SOX6: variants seen among roughly 807,000 people sequenced by gnomAD.
SOX6 encodes SRY-box transcription factor 6.
Under a neutral mutation model 97.8 loss-of-function variants are expected in SOX6, and 11 were observed. That is an observed-to-expected ratio of 0.11 (90% CI 0.07 to 0.19). The LOEUF (loss-of-function observed/expected upper bound fraction) is 0.19, where lower values mean the gene tolerates loss of function less well. SOX6 is among the 10% of genes least tolerant of loss of function. The probability of loss-of-function intolerance (pLI) is 1.00; values close to 1 mark genes in which losing one functional copy is unlikely to be tolerated. For synonymous variants in SOX6, 360 were observed against 371.4 expected (o/e 0.97, Z 0.35); for missense variants, 810 against 1,039.5 (o/e 0.78, Z 3.04).
chr11:16,626,466 TG>T (rs751928635), intron 3 of SOX6, among the ~76,000 whole-genome samples: 1 of 152,248 alleles, frequency 6.6e-6, no homozygotes, highest in Non-Finnish European at 1.5e-5. Context: ...CACTAAGTCT[TG>T]AAGTCAGAAA....
chr11:16,391,147 AC>A (rs1433040144), intron 1 of SOX6, among the ~76,000 whole-genome samples: 2 of 152,186 alleles, frequency 1.3e-5, no homozygotes, highest in Non-Finnish European at 2.9e-5. Context: ...AACAATAAGA[AC>A]ACATGGACAT....
chr11:16,479,897 T>C (rs940081333), upstream of SOX6, among the ~76,000 whole-genome samples: 3 of 152,112 alleles, frequency 2.0e-5, no homozygotes, highest in Non-Finnish European at 4.4e-5. Flanking sequence ...TGATAAAAGA[T>C]ACATTTAATA....
intron 9 of SOX6, among the ~76,000 whole-genome samples, chr11:16,068,246 T>A (rs1300658171): frequency 3.3e-5 from 5 of 152,194 alleles, no homozygotes; most frequent in Non-Finnish European, 5.9e-5. Context: ...GATGACCACT[T>A]CTTTGCCTAC....
chr11:16,097,756 A>G (rs1590194452), intron 7 of SOX6, 68 bp from the exon 8 acceptor site: 1 of 1,392,398 alleles, frequency 7.2e-7, no homozygotes. Flanking sequence ...AAGTACAAAC[A>G]TGGTCCTTGG....
intron 6 of SOX6, among the ~76,000 whole-genome samples, chr11:16,148,529 T>TGGACAAAATGG (rs1564983408): frequency 6.6e-6 from 1 of 152,182 alleles, no homozygotes; most frequent in Non-Finnish European, 1.5e-5. Flanking sequence ...GAAACCGTGT[T>TGGACAAAATGG]GGACAAAATG....
At chr11:16,427,917 A>T (rs911837752) in intron 1 of SOX6, among the ~76,000 whole-genome samples, 6 of 152,128 alleles carry the variant, frequency 3.9e-5, no homozygotes, top group Admixed American at 6.5e-5. Flanking sequence ...TGACTTCCAC[A>T]ATGGTTGAAC....
At chr11:16,538,256 T>C (rs1861340510) in intron 4 of SOX6, among the ~76,000 whole-genome samples, 1 of 152,126 alleles carries the variant, frequency 6.6e-6, no homozygotes, top group South Asian at 2.1e-4. Flanking sequence ...AATAAAATCC[T>C]TTACAGACAA....
intron 1 of SOX6, among the ~76,000 whole-genome samples, chr11:16,350,695 T>C (rs7109139): frequency 0.29 from 43,824 of 152,092 alleles, 6,871 homozygotes; most frequent in African/African-American, 0.37. Context: ...CCCTGGGAGA[T>C]AAATGCTTAC....
At chr11:15,987,973 A>C (rs955860000) in intron 14 of SOX6, among the ~76,000 whole-genome samples, 3 of 152,218 alleles carry the variant, frequency 2.0e-5, no homozygotes, top group Admixed American at 2.0e-4. Context: ...CCTCAGAATC[A>C]AGTTAAATTA....
At chr11:16,716,339 C>A (rs1420053879) in intron 2 of SOX6, among the ~76,000 whole-genome samples, 1 of 152,150 alleles carries the variant, frequency 6.6e-6, no homozygotes, top group Non-Finnish European at 1.5e-5. Context: ...AGCTTAGGAG[C>A]TGGAGGCCAG....
Position 15,986,311 on chromosome 11 carries a change from G to C in SOX6, c.2076C>G (p.Pro692=), listed in dbSNP as rs773040627. ...LEKYPNYKYK[P]RPKRTCIVDG... ...CAACAATGCAGGTGCGTTTCGGTCG[G>C]GGTTTGTATTTATAGTTTGGGTACT... Residue 692 remains proline (P), a synonymous_variant, in exon 15 of 16, where the codon CCC becomes CCG. Coordinates refer to ENST00000683767, the MANE Select transcript of SOX6 (RefSeq NM_001367873.1). 10 of 1,614,058 alleles carry C rather than the reference G, an allele frequency of 6.2e-6. No homozygotes were observed. The highest frequency in any genetic ancestry group is 1.7e-5 in the Admixed American group (1 of 59,998).
At chr11:16,648,168 A>C (rs1006844136) in intron 3 of SOX6, among the ~76,000 whole-genome samples, 2 of 152,288 alleles carry the variant, frequency 1.3e-5, no homozygotes, top group Non-Finnish European at 1.5e-5. Context: ...GTAAGGTTTC[A>C]GCATGGCACC....
chr11:16,703,995 A>T (rs1440222738), intron 3 of SOX6, among the ~76,000 whole-genome samples: 2 of 152,194 alleles, frequency 1.3e-5, no homozygotes, highest in African/African-American at 4.8e-5. Flanking sequence ...TCTGCTGCTA[A>T]AGTCACTGTC....
At chr11:16,551,697 G>T (rs1329795368) in intron 4 of SOX6, among the ~76,000 whole-genome samples, 1 of 152,012 alleles carries the variant, frequency 6.6e-6, no homozygotes, top group Non-Finnish European at 1.5e-5. Flanking sequence ...TCCGCCTCCC[G>T]GGTTCAAGCA....
intron 4 of SOX6, among the ~76,000 whole-genome samples, chr11:16,509,417 G>A (rs1299435518): frequency 3.3e-5 from 5 of 151,802 alleles, no homozygotes; most frequent in Admixed American, 6.6e-5. Flanking sequence ...CATTTCCCTC[G>A]AGTCAGTACA....
chr11:16,268,741 A>G (rs1854155402), intron 3 of SOX6, among the ~76,000 whole-genome samples: 1 of 151,056 alleles, frequency 6.6e-6, no homozygotes, highest in Non-Finnish European at 1.5e-5. Context: ...TTGTCTATCC[A>G]TGTCCTTTTC....
chr11:16,391,349 G>T (rs542854222), intron 1 of SOX6, among the ~76,000 whole-genome samples: 3 of 152,170 alleles, frequency 2.0e-5, no homozygotes, highest in Non-Finnish European at 2.9e-5. Flanking sequence ...ATAAAAAAAA[G>T]AAAACCTTCC....
At chr11:16,033,463 C>A (rs1484055406) in intron 12 of SOX6, among the ~76,000 whole-genome samples, 1 of 152,180 alleles carries the variant, frequency 6.6e-6, no homozygotes, top group East Asian at 1.9e-4. Flanking sequence ...TTCTTTATTT[C>A]ATTCCTGATG....
chr11:16,161,043 T>C (rs1210678314), intron 6 of SOX6, among the ~76,000 whole-genome samples: 4 of 152,072 alleles, frequency 2.6e-5, no homozygotes, highest in Non-Finnish European at 4.4e-5. Flanking sequence ...TGAATGCTGG[T>C]AAATCAGCTT....
Sources: allele counts gnomAD v4.1 joint callset (sites outside exome capture counted in the v4.1 genomes callset), GRCh38; gene constraint gnomAD v4.1.1; transcripts MANE v1.5; gene names NCBI Gene and HGNC (gene_info 2026-07-23, HGNC 2026-07-21).